PTPRG: variants seen among roughly 807,000 people sequenced by gnomAD.
PTPRG encodes the protein receptor-type tyrosine-protein phosphatase gamma.
In PTPRG, 102 loss-of-function variants were observed where a neutral mutation model predicts 165.3. That is an observed-to-expected ratio of 0.62 (90% CI 0.53 to 0.73). The LOEUF (loss-of-function observed/expected upper bound fraction) is 0.73, where lower values mean the gene tolerates loss of function less well. PTPRG is among the 30% of genes least tolerant of loss of function. PTPRG has a pLI of 0.00. For synonymous variants in PTPRG, 675 were observed against 669.5 expected, an observed-to-expected ratio of 1.01 and a Z score of -0.13; for missense variants, 1,866 against 1,861.4, an observed-to-expected ratio of 1.00 and a Z score of -0.05.
chr3:61,757,169 A>G (rs1042342713), intron 2 of PTPRG, among the ~76,000 whole-genome samples: 2 of 152,220 alleles, frequency 1.3e-5, no homozygotes, highest in East Asian at 1.9e-4. Context: ...ATATGGTCCC[A>G]TTAATGAATA....
intron 2 of PTPRG, among the ~76,000 whole-genome samples, chr3:61,961,402 T>C (rs1021644105): frequency 6.6e-6 from 1 of 152,200 alleles, no homozygotes; most frequent in Admixed American, 6.5e-5. Flanking sequence ...ACAGGCATCT[T>C]AAAATTCGGA....
At chr3:61,990,899 C>CTTTTTT (rs10662494) in intron 3 of PTPRG, among the ~76,000 whole-genome samples, 1 of 139,204 alleles carries the variant, frequency 7.2e-6, no homozygotes, top group Non-Finnish European at 1.5e-5. Context: ...ACAAAGTTGC[C>CTTTTTT]TTTTTTTTTT....
intron 1 of PTPRG, among the ~76,000 whole-genome samples, chr3:61,744,862 G>A (rs2033135950): frequency 6.6e-6 from 1 of 151,980 alleles, no homozygotes; most frequent in Non-Finnish European, 1.5e-5. Context: ...TGTATTAAAT[G>A]CTTGCTGTTT....
chr3:61,971,063 C>CT (rs1400974081), intron 2 of PTPRG, among the ~76,000 whole-genome samples: 2 of 152,020 alleles, frequency 1.3e-5, no homozygotes, highest in African/African-American at 2.4e-5. Context: ...GACTTCATGT[C>CT]TTTTTTTCTG....
At chr3:61,653,706 A>G (rs943582650) in intron 1 of PTPRG, among the ~76,000 whole-genome samples, 7 of 152,016 alleles carry the variant, frequency 4.6e-5, no homozygotes, top group Non-Finnish European at 8.8e-5. Context: ...TGCCCTTTCA[A>G]CTTTCTTTGC....
chr3:61,566,140 C>G (rs538888372), intron 1 of PTPRG, among the ~76,000 whole-genome samples: 5 of 152,286 alleles, frequency 3.3e-5, no homozygotes, highest in African/African-American at 1.2e-4. Flanking sequence ...GGGGAAGTTG[C>G]TGTTGTTGCT....
chr3:61,692,508 C>A (rs569405257), intron 1 of PTPRG, among the ~76,000 whole-genome samples: 59 of 152,212 alleles, frequency 3.9e-4, no homozygotes, highest in African/African-American at 1.4e-3. Flanking sequence ...ACCAAACAGG[C>A]TTTGTGTGAG....
At chr3:61,734,797 T>C (rs1194105959) in intron 1 of PTPRG, among the ~76,000 whole-genome samples, 2 of 152,226 alleles carry the variant, frequency 1.3e-5, no homozygotes, top group Admixed American at 6.5e-5. Flanking sequence ...AGGATTTATA[T>C]TCAGAGTTGA....
At chr3:62,191,084 G>T (rs1338419241) in intron 8 of PTPRG, among the ~76,000 whole-genome samples, 1 of 152,068 alleles carries the variant, frequency 6.6e-6, no homozygotes, top group Non-Finnish European at 1.5e-5. Flanking sequence ...TCTGTGTCCC[G>T]TGCATGTGTG....
chr3:62,196,690 A>G (rs1699972013), intron 10 of PTPRG, among the ~76,000 whole-genome samples: 1 of 152,174 alleles, frequency 6.6e-6, no homozygotes, highest in Non-Finnish European at 1.5e-5. Flanking sequence ...CTCTTGGATC[A>G]GGTCCTTGAC....
intron 6 of PTPRG, among the ~76,000 whole-genome samples, chr3:62,153,525 G>A (rs1415047182): frequency 6.6e-6 from 1 of 151,956 alleles, no homozygotes; most frequent in African/African-American, 2.4e-5. Context: ...ATCTAACATG[G>A]TATGCCTTTA....
chr3:61,979,325 ATATTATT>A (rs1411905854), intron 2 of PTPRG, among the ~76,000 whole-genome samples: 1 of 152,148 alleles, frequency 6.6e-6, no homozygotes, highest in Non-Finnish European at 1.5e-5. Context: ...CACTTTTGAA[ATATTATT>A]TGTTTTGATA....
intron 8 of PTPRG, among the ~76,000 whole-genome samples, chr3:62,178,314 A>T (rs1409808382): frequency 6.6e-6 from 1 of 152,182 alleles, no homozygotes; most frequent in African/African-American, 2.4e-5. Context: ...TTAAGCTAAC[A>T]TATACATATC....
At chr3:61,843,829 A>AC (rs899070057) in intron 2 of PTPRG, among the ~76,000 whole-genome samples, 15 of 152,192 alleles carry the variant, frequency 9.9e-5, no homozygotes, top group African/African-American at 3.4e-4. Context: ...TTCTTTAAAA[A>AC]AAAAAACAAA....
intron 1 of PTPRG, among the ~76,000 whole-genome samples, chr3:61,694,907 A>C (rs1055303741): frequency 3.3e-5 from 5 of 152,120 alleles, no homozygotes; most frequent in African/African-American, 1.2e-4. Context: ...TCACTCACAC[A>C]TACTGTCTTT....
At position 61,758,830 on chromosome 3, in the gene PTPRG, AGGACCC is replaced by A. The variant is rs2106956416; in HGVS notation, c.190+9849_190+9854del. 3.3e-5 allele frequency among the ~76,000 whole-genome samples: 5 copies of A among 152,250 alleles called. No homozygotes were observed. The South Asian group carries it at 1.0e-3, about 32-fold the overall frequency. ...TGGTAGCAGTAAGAAGAACGTAAGGAGGACCCATTTCACTGGATTGTGAACTTTTAG... is the reference window on the plus strand; with the variant it reads ...TGGTAGCAGTAAGAAGAACGTAAGGAATTTCACTGGATTGTGAACTTTTAG... On this transcript the variant is annotated intron_variant, in intron 2 of 29. Transcript: ENST00000474889.
At chr3:61,957,937 T>C (rs2040070151) in intron 2 of PTPRG, among the ~76,000 whole-genome samples, 1 of 152,170 alleles carries the variant, frequency 6.6e-6, no homozygotes, top group Admixed American at 6.5e-5. Context: ...CCTGTGACTC[T>C]TGTGAAATTT....
At chr3:61,708,379 TG>T (rs964853749) in intron 1 of PTPRG, among the ~76,000 whole-genome samples, 4 of 149,114 alleles carry the variant, frequency 2.7e-5, no homozygotes, top group Non-Finnish European at 5.9e-5. Context: ...ACAGCCCAAC[TG>T]GGGGATCATT....
intron 1 of PTPRG, among the ~76,000 whole-genome samples, chr3:61,673,112 G>A (rs540370089): frequency 6.6e-6 from 1 of 152,194 alleles, no homozygotes; most frequent in South Asian, 2.1e-4. Context: ...AGTAAGTGGC[G>A]ATCGTGGCAC....
Sources: gnomAD v4.1 joint callset for allele counts (sites outside exome capture counted in the v4.1 genomes callset) on GRCh38, gnomAD v4.1.1 for gene constraint, MANE v1.5 for transcripts, NCBI Gene and HGNC (gene_info 2026-07-23, HGNC 2026-07-21) for gene names.